Variants in OPCML observed in about 807,000 individuals in gnomAD.
The protein encoded by OPCML is opioid-binding protein/cell adhesion molecule.
OPCML carries 13 observed loss-of-function variants against 37.8 expected under a neutral mutation model. That is an observed-to-expected ratio of 0.34 (90% CI 0.22 to 0.55). The LOEUF (loss-of-function observed/expected upper bound fraction) is 0.55. Ranked by LOEUF, OPCML falls within the 20% of genes least tolerant of loss-of-function variation. The pLI is 0.91. For synonymous variants in OPCML, 176 were observed against 168.8 expected (o/e 1.04, Z -0.33); for missense variants, 341 against 435.6 (o/e 0.78, Z 1.93).
intron 2 of OPCML, among the ~76,000 whole-genome samples, chr11:132,725,852 A>G (rs1336628247): frequency 1.3e-5 from 2 of 152,096 alleles, no homozygotes; most frequent in East Asian, 3.9e-4. Context: ...TCAAAGTTCC[A>G]CAAATCTCTT....
chr11:132,841,507 G>C (rs941636519), intron 2 of OPCML, among the ~76,000 whole-genome samples: 2 of 152,126 alleles, frequency 1.3e-5, no homozygotes, highest in African/African-American at 4.8e-5. Flanking sequence ...CCCCGGGCTA[G>C]GGGAGGAAGA....
intron 1 of OPCML, among the ~76,000 whole-genome samples, chr11:133,235,956 C>T (rs1220562299): frequency 6.6e-6 from 1 of 152,164 alleles, no homozygotes; most frequent in Non-Finnish European, 1.5e-5. Flanking sequence ...GGGGATAGTT[C>T]CAAGACTCCC....
chr11:133,264,768 TA>T (rs5795834), intron 1 of OPCML, among the ~76,000 whole-genome samples: 82,802 of 149,624 alleles, frequency 0.55, 23,271 homozygotes, highest in East Asian at 0.91. Context: ...CGGTTTTTAA[TA>T]AAAAAAAAAA....
At chr11:132,633,610 G>T (rs1197149430) in intron 3 of OPCML, among the ~76,000 whole-genome samples, 1 of 152,086 alleles carries the variant, frequency 6.6e-6, no homozygotes, top group African/African-American at 2.4e-5. Flanking sequence ...CAGGACATCT[G>T]TTGGAAGGTC....
chr11:132,670,039 G>A (rs928623373), intron 2 of OPCML, among the ~76,000 whole-genome samples: 1 of 151,980 alleles, frequency 6.6e-6, no homozygotes, highest in Non-Finnish European at 1.5e-5. Context: ...TTAAAATTCA[G>A]CCTCCCAATT....
At chr11:133,191,466 G>A (rs1409180015) in intron 1 of OPCML, among the ~76,000 whole-genome samples, 1 of 151,832 alleles carries the variant, frequency 6.6e-6, no homozygotes, top group African/African-American at 2.4e-5. Context: ...ACCTAAGAGT[G>A]AAAGTATTTC....
At chr11:133,441,519 A>T (rs934648517) in intron 1 of OPCML, among the ~76,000 whole-genome samples, 20 of 152,174 alleles carry the variant, frequency 1.3e-4, no homozygotes, top group Admixed American at 1.3e-3. Context: ...TCTATCTCAC[A>T]CTACATGCAA....
chr11:132,943,631 C>T lies in OPCML; in HGVS notation c.62-621G>A, dbSNP rs1945660814. 6.5e-6 allele frequency: 1 copy of T among 153,984 alleles called. No individual in the cohort carries two copies. The highest frequency in any genetic ancestry group is 2.0e-4 in the South Asian group (1 of 4,894). 9.5% of individuals were successfully genotyped at this position (153,984 alleles called of 1,614,324 possible). The stretch of plus-strand genomic sequence containing the variant: ...GTACGTGTCCCCCAGCCCCAGGTCT[C>T]GCATCTGGAACCCCAAGGCGGCAAA... On this transcript the variant is annotated intron_variant, in intron 1 of 7. Coordinates refer to ENST00000524381, the MANE Select transcript of OPCML (RefSeq NM_001012393.5). The surrounding 1 kb of genome is among the most constrained non-coding windows in gnomAD (Gnocchi z 4.3).
chr11:132,505,903 AT>A (rs1396373695), intron 4 of OPCML, among the ~76,000 whole-genome samples: 2 of 151,948 alleles, frequency 1.3e-5, no homozygotes, highest in Non-Finnish European at 2.9e-5. Context: ...AAAAAAAAAA[AT>A]CTATGTGTGT....
At chr11:132,866,737 A>G (rs1381722879) in intron 2 of OPCML, among the ~76,000 whole-genome samples, 1 of 152,196 alleles carries the variant, frequency 6.6e-6, no homozygotes, top group Non-Finnish European at 1.5e-5. Context: ...TATCATTTCC[A>G]TATTGTGAGG....
chr11:133,513,560 T>C (rs1221327785), intron 1 of OPCML, among the ~76,000 whole-genome samples: 1 of 152,166 alleles, frequency 6.6e-6, no homozygotes, highest in Admixed American at 6.5e-5. Flanking sequence ...CTTCCTTCCT[T>C]GCGCTTCCAT....
At chr11:132,664,769 C>T (rs550524183) in intron 2 of OPCML, among the ~76,000 whole-genome samples, 46 of 152,272 alleles carry the variant, frequency 3.0e-4, no homozygotes, top group African/African-American at 1.1e-3. Context: ...TCAACAGGGA[C>T]CCTAAATTAT....
intron 4 of OPCML, among the ~76,000 whole-genome samples, chr11:132,461,020 G>A (rs1196020757): frequency 6.6e-6 from 1 of 152,188 alleles, no homozygotes; most frequent in Admixed American, 6.5e-5. Flanking sequence ...TAGATGGGCA[G>A]TAGGGCTGAG....
intron 2 of OPCML, among the ~76,000 whole-genome samples, chr11:132,809,935 C>T (rs555113221): frequency 2.9e-4 from 44 of 152,234 alleles, no homozygotes; most frequent in Non-Finnish European, 5.9e-4. Flanking sequence ...CTGCAGGCTC[C>T]GCCTCCCGGG....
intron 4 of OPCML, among the ~76,000 whole-genome samples, chr11:132,482,256 GA>G (rs1429941086): frequency 1.3e-5 from 2 of 152,150 alleles, no homozygotes; most frequent in African/African-American, 4.8e-5. Context: ...CTATCCCACA[GA>G]AATACAAACT....
chr11:132,891,350 C>A (rs1235605280), intron 2 of OPCML, among the ~76,000 whole-genome samples: 2 of 152,182 alleles, frequency 1.3e-5, no homozygotes, highest in Non-Finnish European at 2.9e-5. Context: ...CAAAAGTAGC[C>A]ATTTTCCTCC....
intron 1 of OPCML, among the ~76,000 whole-genome samples, chr11:133,370,660 A>G (rs1944654370): frequency 6.6e-6 from 1 of 152,134 alleles, no homozygotes. Flanking sequence ...GGCCATGGAA[A>G]AAATCAACTC....
chr11:133,183,934 C>A (rs137912129), intron 1 of OPCML, among the ~76,000 whole-genome samples: 1 of 152,176 alleles, frequency 6.6e-6, no homozygotes, highest in Non-Finnish European at 1.5e-5. Flanking sequence ...CTGGCTCACA[C>A]GGGAGATTAA....
At chr11:132,762,328 G>A (rs1255230692) in intron 2 of OPCML, among the ~76,000 whole-genome samples, 2 of 152,330 alleles carry the variant, frequency 1.3e-5, no homozygotes, top group Admixed American at 1.3e-4. Flanking sequence ...CCTTAGCAGA[G>A]CCTGAGCCCT....
Sources: allele counts gnomAD v4.1 joint callset (sites outside exome capture counted in the v4.1 genomes callset), GRCh38; gene constraint gnomAD v4.1.1; non-coding constraint Gnocchi (gnomAD v3.1); transcripts MANE v1.5; gene names NCBI Gene and HGNC (gene_info 2026-07-23, HGNC 2026-07-21).